Variants in NEIL2 observed in about 807,000 individuals in gnomAD.
The protein encoded by NEIL2 is endonuclease 8-like 2.
A neutral mutation model predicts 22.2 loss-of-function variants in NEIL2; 23 were observed. That is an observed-to-expected ratio of 1.04 (90% CI 0.75 to 1.47). The LOEUF (loss-of-function observed/expected upper bound fraction) is 1.47, where lower values mean the gene tolerates loss of function less well. Among genes scored for constraint, NEIL2 ranks in the 40% most tolerant of loss-of-function variants. The pLI, the probability that NEIL2 is intolerant of heterozygous loss-of-function variation, is 0.00. For missense variants in NEIL2, 583 were observed against 404.7 expected (o/e 1.44, Z -3.78); for synonymous variants, 229 against 164.8 (o/e 1.39, Z -2.99).
intron 2 of NEIL2, among the ~76,000 whole-genome samples, chr8:11,772,031 C>A (rs942951979): frequency 4.6e-5 from 7 of 152,046 alleles, no homozygotes; most frequent in African/African-American, 1.7e-4. Context: ...GATGAAACCC[C>A]GTCTCTACTA....
At position 11,779,728 on chromosome 8, in the gene NEIL2, G is replaced by T. The variant is rs776751149; in HGVS notation, c.269G>T (p.Gly90Val). 6.2e-7 allele frequency: 1 copy of T among 1,614,180 alleles called. No homozygotes were observed. Among genetic ancestry groups the T allele is most frequent in the African/African-American group, 1.3e-5 (1 of 75,056 alleles). Residue 90 changes from glycine (G) to valine (V), a missense_variant, in exon 3 of 5, where the codon GGG becomes GTG. Physicochemically the swap from Gly to Val is moderately radical, Grantham distance 109. Transcript: ENST00000284503. ...GGGGCTGCGGACCCAAAGCAGGTCGGGGAGCCCAGCGGGCAGAAGACCCTT... is the reference window on the plus strand; with the variant it reads ...GGGGCTGCGGACCCAAAGCAGGTCGTGGAGCCCAGCGGGCAGAAGACCCTT... ...KEGAADPKQV[G>V]EPSGQKTLDG...
rs1237962336 is a variant in NEIL2 at position 11,786,678 on chromosome 8, C to T, written c.*405C>T. Reference sequence around the variant, plus strand: ...GTTTTGAGAGAGAGTCTTGCTCTGTCTCCCTGGCTAGGGTGTGGTGGTGTG... The same window carrying T: ...GTTTTGAGAGAGAGTCTTGCTCTGTTTCCCTGGCTAGGGTGTGGTGGTGTG... On this transcript the variant is annotated 3_prime_UTR_variant, in exon 5 of 5. Transcript: ENST00000284503. The T allele has an allele frequency of 7.1e-5, 18 of 253,874 alleles. No individual in the cohort carries two copies. The highest frequency in any genetic ancestry group is 1.3e-4 in the Non-Finnish European group (18 of 134,924). The allele number at this position is 253,874 out of a possible 1,614,324, so 15.7% of individuals were successfully genotyped here.
intron 1 of NEIL2, among the ~76,000 whole-genome samples, chr8:11,770,582 C>T (rs540082521): frequency 5.3e-5 from 8 of 152,154 alleles, no homozygotes; most frequent in Non-Finnish European, 8.8e-5. Flanking sequence ...ATAATAGCTA[C>T]CCCCTGCCCG....
intron 2 of NEIL2, among the ~76,000 whole-genome samples, chr8:11,777,523 G>A (rs1210929273): frequency 2.0e-5 from 3 of 151,990 alleles, no homozygotes; most frequent in Non-Finnish European, 4.4e-5. Flanking sequence ...CCTGTTGAAC[G>A]CTAACTCCCC....
Position 11,779,888 on chromosome 8 carries a change from G to A in NEIL2, c.429G>A (p.Val143=). ...TTGGTTTGTTTGGCAGCGTTTGGGT[G>A]AACGATTTCTCCAGAGCCAAGAAAG... The part of the protein sequence containing the change: ...VSFGLFGSVW[V]NDFSRAKKAN... Residue 143 remains valine, a synonymous_variant, in exon 3 of 5, where the codon GTG becomes GTA. Coordinates refer to ENST00000284503, the MANE Select transcript of NEIL2 (RefSeq NM_145043.4). The A allele has an allele frequency of 1.2e-6, 2 of 1,614,182 alleles. No homozygotes were observed. Among genetic ancestry groups the A allele is most frequent in the East Asian group, 2.2e-5 (1 of 44,886 alleles).
At position 11,779,783 on chromosome 8, in the gene NEIL2, C is replaced by G; in HGVS notation, c.324C>G (p.Val108=). The change falls in exon 3 of 5, where the codon GTC becomes GTG. Residue 108 remains valine (V), a synonymous_variant. Transcript: ENST00000284503. ...GATCCTCACGGTCTGCAGAGCTCGT[C>G]CCCCAGGGCGAGGATGATTCTGAGT... ...LDGSSRSAEL[V]PQGEDDSEYL... The G allele has an allele frequency of 6.2e-7, 1 of 1,614,202 alleles. No individual in the cohort carries two copies. The highest frequency in any genetic ancestry group is 8.5e-7 in the Non-Finnish European group (1 of 1,180,036).
chr8:11,785,422 C>T (rs111554921), intron 4 of NEIL2, among the ~76,000 whole-genome samples: 1 of 151,258 alleles, frequency 6.6e-6, no homozygotes, highest in South Asian at 2.1e-4. Flanking sequence ...TCTTGAACTC[C>T]TGGCCTCAAG....
At position 11,779,847 on chromosome 8, in the gene NEIL2, T is replaced by A; in HGVS notation, c.388T>A (p.Trp130Arg). ...CGCCCCTGCAGGAGATGCTGGGAGG[T>A]GGCTGCGTGTCAGCTTTGGTTTGTT... ...RDAPAGDAGR[W>R]LRVSFGLFGS... Residue 130 changes from tryptophan to arginine, a missense_variant, in exon 3 of 5, where the codon TGG becomes AGG. Transcript: ENST00000284503. 2 of 1,613,696 alleles carry A rather than the reference T, an allele frequency of 1.2e-6. No homozygotes were observed. The highest frequency in any genetic ancestry group is 2.2e-5 in the South Asian group (2 of 91,048).
At chr8:11,771,957 C>T (rs1349914009) in intron 2 of NEIL2, among the ~76,000 whole-genome samples, 1 of 152,178 alleles carries the variant, frequency 6.6e-6, no homozygotes, top group Non-Finnish European at 1.5e-5. Context: ...GTAATCCCAG[C>T]ACTTTGGGAG....
chr8:11,771,543 A>G lies in NEIL2; in HGVS notation c.96A>G (p.Leu32=). 1 of 1,614,064 alleles carries G rather than the reference A, an allele frequency of 6.2e-7. No individual in the cohort carries two copies. Among genetic ancestry groups the G allele is most frequent in the East Asian group, 2.2e-5 (1 of 44,870 alleles). ...AGACAGGGGGCAGCAGTAAGAAGCT[A>G]CAGCCCGCCAGCCTGCAGTCTCTGT... is the stretch of plus-strand genomic sequence containing the variant. ...VVKTGGSSKK[L]QPASLQSLWL... The change falls in exon 2 of 5, where the codon CTA becomes CTG. Residue 32 remains leucine (L), a synonymous_variant. Coordinates refer to ENST00000284503, the MANE Select transcript of NEIL2 (RefSeq NM_145043.4).
chr8:11,772,306 C>G (rs771437387), intron 2 of NEIL2, among the ~76,000 whole-genome samples: 8 of 152,230 alleles, frequency 5.3e-5, no homozygotes, highest in Non-Finnish European at 1.2e-4. Flanking sequence ...CTGCCTCCCT[C>G]TCTAGCCTTC....
chr8:11,785,659 G>T (rs933246595), intron 4 of NEIL2, among the ~76,000 whole-genome samples: 3 of 152,220 alleles, frequency 2.0e-5, no homozygotes, highest in East Asian at 3.8e-4. Flanking sequence ...GCTTGTCAGG[G>T]TCACGTGGGT....
intron 2 of NEIL2, among the ~76,000 whole-genome samples, chr8:11,772,230 C>G (rs1199064515): frequency 1.3e-5 from 2 of 152,094 alleles, no homozygotes; most frequent in African/African-American, 4.8e-5. Context: ...AGAGCAGAAC[C>G]TTCAGATCTA....
At chr8:11,777,975 T>C (rs1485439814) in intron 2 of NEIL2, among the ~76,000 whole-genome samples, 3 of 152,214 alleles carry the variant, frequency 2.0e-5, no homozygotes, top group Admixed American at 1.3e-4. Flanking sequence ...AGGAACACAT[T>C]GAAAGCATTG....
chr8:11,779,056 AT>A (rs1026390875), intron 2 of NEIL2, among the ~76,000 whole-genome samples: 38 of 148,390 alleles, frequency 2.6e-4, no homozygotes, highest in African/African-American at 9.1e-4. Flanking sequence ...CCTTTGCCTT[AT>A]ACTTTTTAGA....
In NEIL2 at chr8:11,783,408, C is replaced by G; in HGVS notation, c.688+9C>G. 6.2e-7 allele frequency: 1 copy of G among 1,612,650 alleles called. No individual in the cohort carries two copies. Among genetic ancestry groups the G allele is most frequent in the African/African-American group, 1.3e-5 (1 of 75,020 alleles). On this transcript the variant is annotated intron_variant, in intron 4 of 4. Transcript: ENST00000284503. ...ATACTTCTCAGGGCTAGGTATGACT[C>G]ATGGGAAAGGGGTGAGTCCACAGAG... is the stretch of plus-strand genomic sequence containing the variant.
intron 2 of NEIL2, among the ~76,000 whole-genome samples, chr8:11,774,958 G>C (rs1190519473): frequency 6.6e-6 from 1 of 152,256 alleles, no homozygotes; most frequent in East Asian, 1.9e-4. Context: ...CATCCTGGCT[G>C]CTTTCACAGG....
chr8:11,780,127 G>T (rs1427471216), intron 3 of NEIL2, among the ~76,000 whole-genome samples, 177 bp downstream of exon 3: 2 of 152,080 alleles, frequency 1.3e-5, no homozygotes. Flanking sequence ...AGTAGACTGT[G>T]GTCTGCATGC....
chr8:11,783,785 C>G (rs1306418278), intron 4 of NEIL2, among the ~76,000 whole-genome samples: 1 of 152,172 alleles, frequency 6.6e-6, no homozygotes, highest in East Asian at 1.9e-4. Flanking sequence ...GTGCAGGCTG[C>G]TAACAGAGCA....
Sources: allele counts gnomAD v4.1 joint callset (sites outside exome capture counted in the v4.1 genomes callset), GRCh38; gene constraint gnomAD v4.1.1; transcripts MANE v1.5; gene names NCBI Gene and HGNC (gene_info 2026-07-23, HGNC 2026-07-21).